The following ACOT7 variants were observed in gnomAD, a reference collection of about 807,000 sequenced individuals.
ACOT7 encodes acyl-CoA thioesterase 7, also known as cytosolic acyl coenzyme A thioester hydrolase.
Under a neutral mutation model 40.2 loss-of-function variants are expected in ACOT7, and 12 were observed. The observed-to-expected ratio is 0.30, with a 90% CI of 0.19 to 0.48. The LOEUF is 0.48. Ranked by LOEUF, ACOT7 falls within the 20% of genes least tolerant of loss-of-function variation. The probability of loss-of-function intolerance (pLI) is 0.99; values close to 1 mark genes in which losing one functional copy is unlikely to be tolerated. For missense variants in ACOT7, 395 were observed against 530.8 expected, an observed-to-expected ratio of 0.74 and a Z score of 2.51; for synonymous variants, 228 against 219.5, an observed-to-expected ratio of 1.04 and a Z score of -0.34.
intron 2 of ACOT7, 133 bp from the exon 3 acceptor site, chr1:6,339,722 C>G: frequency 1.1e-6 from 1 of 872,928 alleles, no homozygotes; most frequent in South Asian, 1.9e-5. Flanking sequence ...AATGTATCAC[C>G]ATTTATTGGC....
chr1:6,387,948 C>CT (rs1240220576), intron 1 of ACOT7, among the ~76,000 whole-genome samples: 12 of 123,948 alleles, frequency 9.7e-5, no homozygotes, highest in African/African-American at 1.7e-4. Context: ...TTTTTTTTTT[C>CT]TTTTTTTTTG....
intron 3 of ACOT7, among the ~76,000 whole-genome samples, chr1:6,335,761 G>A (rs977667951): frequency 2.0e-5 from 3 of 152,308 alleles, no homozygotes; most frequent in South Asian, 2.1e-4. Flanking sequence ...CCTCCTCCCC[G>A]CACAGAACAC....
rs1639968792 is a variant in ACOT7, at chr1:6,301,325, G to A, written c.713-6345C>T. ...CGGGGTTTGCCCCATTTATCCAAAA[G>A]GCTACCTTGTTGGTATGAGACTCCA... On this transcript the variant is annotated intron_variant, in intron 6 of 8. Transcript: ENST00000361521. This position sits in a 1 kb window ranked among gnomAD's most constrained non-coding sequence, Gnocchi z 4.1. 6.6e-6 allele frequency among the ~76,000 whole-genome samples: 1 copy of A among 152,340 alleles called. No individual in the cohort carries two copies. Among genetic ancestry groups the A allele is most frequent in the East Asian group, 1.9e-4 (1 of 5,190 alleles).
rs1168808511 is a variant in ACOT7, at chr1:6,347,641, C to T, written c.261+2108G>A. Among the ~76,000 whole-genome samples the T allele has an allele frequency of 1.3e-3, 204 of 152,212 alleles. 2 individuals carry two copies. The highest frequency in any genetic ancestry group is 1.2e-4 in the Non-Finnish European group (8 of 68,010). On this transcript the variant is annotated intron_variant, in intron 2 of 8. Coordinates refer to ENST00000361521, the MANE Select transcript of ACOT7 (RefSeq NM_007274.4). ...AATTAGCCAGGTGTGGTTGTACACA[C>T]CTGTAATCCCAGCTGCTCGGGAAGC... is the stretch of plus-strand genomic sequence containing the variant.
chr1:6,322,281 T>C (rs978438441), intron 5 of ACOT7, among the ~76,000 whole-genome samples: 4 of 152,194 alleles, frequency 2.6e-5, no homozygotes, highest in Non-Finnish European at 5.9e-5. Flanking sequence ...ATGTGGCTTT[T>C]TGGGAGGAGC....
At position 6,278,558 on chromosome 1, in the gene ACOT7, T is replaced by A. The variant is rs528030667; in HGVS notation, c.1014+2544A>T. ...GCGGAGAGGGATTTTTTTGCGGGTG[T>A]GATAATGAGTTCCATTCAGGACAAA... is the stretch of plus-strand genomic sequence containing the variant. On this transcript the variant is annotated intron_variant, in intron 8 of 8. Transcript: ENST00000361521. The surrounding 1 kb of genome is among the most constrained non-coding windows in gnomAD (Gnocchi z 4.1). Among the ~76,000 whole-genome samples the A allele has an allele frequency of 2.4e-4, 37 of 152,120 alleles. No individual in the cohort carries two copies. The highest frequency in any genetic ancestry group is 4.0e-4 in the Non-Finnish European group (27 of 67,986).
chr1:6,327,472 G>T lies in ACOT7; in HGVS notation c.511-59C>A, dbSNP rs1238318044. The T allele has an allele frequency of 3.9e-6, 6 of 1,538,850 alleles. No individual in the cohort carries two copies. The Admixed American group carries it at 1.0e-4, about 27-fold the overall frequency. On this transcript the variant is annotated intron_variant, in intron 4 of 8. Coordinates refer to ENST00000361521, the MANE Select transcript of ACOT7 (RefSeq NM_007274.4). ...AGGACACGGCCTCCTCCCCTCGCTG[G>T]GCGGCCATGATCCCAGGCCCTTATA...
intron 6 of ACOT7, among the ~76,000 whole-genome samples, chr1:6,298,938 C>T (rs1180960928): frequency 6.6e-6 from 1 of 152,234 alleles, no homozygotes; most frequent in African/African-American, 2.4e-5. Context: ...CCACACCCAC[C>T]TGTGAGTGGG....
intron 1 of ACOT7, 43 bp downstream of exon 1, chr1:6,393,214 G>C: frequency 1.6e-6 from 2 of 1,253,084 alleles, no homozygotes; most frequent in Non-Finnish European, 2.0e-6. Context: ...GGCGGTGACC[G>C]GCGCGCCTGG....
chr1:6,290,361 G>C (rs1422948068), intron 7 of ACOT7, among the ~76,000 whole-genome samples: 1 of 152,150 alleles, frequency 6.6e-6, no homozygotes, highest in East Asian at 1.9e-4. Flanking sequence ...TCAACTCCTG[G>C]GCTTTTCCCC....
rs750705052 is a variant in ACOT7, at chr1:6,333,557, G to C, written c.430C>G (p.Leu144Val). 9.3e-6 allele frequency: 15 copies of C among 1,614,208 alleles called. No homozygotes were observed. The Admixed American group carries it at 2.5e-4, about 27-fold the overall frequency. Residue 144 changes from leucine to valine, a missense_variant, in exon 4 of 9, where the codon CTG becomes GTG. By Grantham distance (32) the Leu-to-Val change is conservative. This residue lies in a region of ACOT7 where 309 missense variants were observed against 470.3 expected (regional missense o/e 0.66). Coordinates refer to ENST00000361521, the MANE Select transcript of ACOT7 (RefSeq NM_007274.4). ...TACCACAGGGTGGCCTTATTGGTCA[G>C]CTTTTTGGCACCTTAAGAGAAGAAA... is the stretch of plus-strand genomic sequence containing the variant. ...SENILTGAKK[L>V]TNKATLWYVP...
In ACOT7 at chr1:6,306,328, C is replaced by T. The variant is rs551599715; in HGVS notation, c.713-11348G>A. 21 of 985,250 alleles carry T rather than the reference C, an allele frequency of 2.1e-5. No individual in the cohort carries two copies. Among genetic ancestry groups the T allele is most frequent in the Non-Finnish European group, 2.5e-5 (21 of 829,926 alleles). 61.0% of individuals were successfully genotyped at this position (985,250 alleles called of 1,614,324 possible). A position where few individuals can be genotyped will look rare whatever the true frequency, so the allele number is the denominator to read the frequency against. The stretch of plus-strand genomic sequence containing the variant: ...CCCATGATTTGAGAGGGATGACGTG[C>T]TGGCCACCAGGGACCCGGCTGAGAG... On this transcript the variant is annotated intron_variant, in intron 6 of 8. Coordinates refer to ENST00000361521, the MANE Select transcript of ACOT7 (RefSeq NM_007274.4). The surrounding 1 kb of genome is among the most constrained non-coding windows in gnomAD (Gnocchi z 4.3).
chr1:6,315,291 A>G (rs940615240), intron 6 of ACOT7, among the ~76,000 whole-genome samples: 62 of 152,276 alleles, frequency 4.1e-4, no homozygotes, highest in African/African-American at 1.5e-3. Flanking sequence ...TTCTTCTGCA[A>G]CTGGCATCTA....
intron 1 of ACOT7, among the ~76,000 whole-genome samples, chr1:6,371,602 A>G (rs1642135426): frequency 6.6e-6 from 1 of 151,636 alleles, no homozygotes. Flanking sequence ...ACCTCAAGTG[A>G]TCCACCCGCC....
At chr1:6,371,628 G>A (rs1000930746) in intron 1 of ACOT7, among the ~76,000 whole-genome samples, 15 of 152,030 alleles carry the variant, frequency 9.9e-5, no homozygotes, top group African/African-American at 3.6e-4. Context: ...CTCCCAAAGT[G>A]CTGGGATTAC....
chr1:6,315,058 A>C lies in ACOT7; in HGVS notation c.712+3434T>G, dbSNP rs1433296588. Among the ~76,000 whole-genome samples the C allele has an allele frequency of 3.3e-5, 5 of 152,200 alleles. 1 individual carries two copies. Among genetic ancestry groups the C allele is most frequent in the Non-Finnish European group, 7.3e-5 (5 of 68,032 alleles). On this transcript the variant is annotated intron_variant, in intron 6 of 8. Transcript: ENST00000361521. ...GCAACCAGGAAAGCAGCAGTGAGCTAGTGTCTGGTGGGAGCACTGCGTTCT... is the reference window on the plus strand; with the variant it reads ...GCAACCAGGAAAGCAGCAGTGAGCTCGTGTCTGGTGGGAGCACTGCGTTCT...
At chr1:6,293,737 CA>C (rs1639735698) in intron 7 of ACOT7, among the ~76,000 whole-genome samples, 1 of 152,198 alleles carries the variant, frequency 6.6e-6, no homozygotes, top group Non-Finnish European at 1.5e-5. Context: ...TGGAAGAAAG[CA>C]ACGCCAGAGA....
At chr1:6,319,161 G>A (rs569362306) in intron 5 of ACOT7, among the ~76,000 whole-genome samples, 4 of 152,290 alleles carry the variant, frequency 2.6e-5, no homozygotes, top group East Asian at 3.9e-4. Context: ...AAAAAAAGCC[G>A]ATGACATATA....
chr1:6,352,565 G>A lies in ACOT7; in HGVS notation c.144-2699C>T, dbSNP rs1438448239. On this transcript the variant is annotated intron_variant, in intron 1 of 8. Coordinates refer to ENST00000361521, the MANE Select transcript of ACOT7 (RefSeq NM_007274.4). This position sits in a 1 kb window ranked among gnomAD's most constrained non-coding sequence, Gnocchi z 4.5. The stretch of plus-strand genomic sequence containing the variant: ...GCCAGGGAGCCAGGGAAGCTGCTGC[G>A]TCTCACTGGAGACTTCGTTTTCCCA... Among the ~76,000 whole-genome samples the A allele has an allele frequency of 6.6e-6, 1 of 152,044 alleles. No individual in the cohort carries two copies. The highest frequency in any genetic ancestry group is 2.4e-5 in the African/African-American group (1 of 41,384).
Sources: gnomAD v4.1 joint callset for allele counts (sites outside exome capture counted in the v4.1 genomes callset) on GRCh38, gnomAD v4.1.1 for gene constraint, gnomAD v4.1.1 regional missense constraint, Gnocchi (gnomAD v3.1) non-coding constraint, MANE v1.5 for transcripts, NCBI Gene and HGNC (gene_info 2026-07-23, HGNC 2026-07-21) for gene names.